The following KDM1A variants were observed in gnomAD, a reference collection of about 807,000 sequenced individuals.
KDM1A encodes lysine demethylase 1A.
A neutral mutation model predicts 109.4 loss-of-function variants in KDM1A; 49 were observed. The ratio of observed to expected loss-of-function variants is 0.45; its 90% CI spans 0.36 to 0.57. The LOEUF (loss-of-function observed/expected upper bound fraction) is 0.57. Ranked by LOEUF, KDM1A falls within the 20% of genes least tolerant of loss-of-function variation. KDM1A has a pLI of 0.00. For missense variants in KDM1A, 668 were observed against 1,116.6 expected (o/e 0.60, Z 5.73); for synonymous variants, 380 against 415.4 (o/e 0.91, Z 1.04).
At chr1:23,073,439 C>A (rs967605) in intron 15 of KDM1A, 36 bp downstream of exon 15, 1 of 1,080,754 alleles carries the variant, frequency 9.3e-7, no homozygotes, top group Non-Finnish European at 1.4e-6. Flanking sequence ...ATTGCACATG[C>A]CTTTGAGAGG....
chr1:23,050,698 A>C (rs1266615930), intron 4 of KDM1A, among the ~76,000 whole-genome samples, 178 bp downstream of exon 4: 1 of 152,236 alleles, frequency 6.6e-6, no homozygotes, highest in African/African-American at 2.4e-5. Context: ...AAAAATGTAT[A>C]TATAATTTTT....
At chr1:23,064,504 C>T (rs1301602703) in intron 9 of KDM1A, among the ~76,000 whole-genome samples, 6 of 152,186 alleles carry the variant, frequency 3.9e-5, no homozygotes, top group East Asian at 1.9e-4. Context: ...GATTACCTAG[C>T]GTACATTGCT....
At chr1:23,078,730 A>G (rs777104541) in intron 16 of KDM1A, among the ~76,000 whole-genome samples, 1 of 152,242 alleles carries the variant, frequency 6.6e-6, no homozygotes, top group Non-Finnish European at 1.5e-5. Flanking sequence ...TCACCAGTGT[A>G]TCAGGAGGGT....
chr1:23,036,444 G>GCCCCCCCCCCCCCC (rs5773033), intron 2 of KDM1A, among the ~76,000 whole-genome samples: 1 of 121,596 alleles, frequency 8.2e-6, no homozygotes, highest in Non-Finnish European at 1.7e-5. Flanking sequence ...TTCTTGCCAC[G>GCCCCCCCCCCCCCC]CCCCCCCCCT....
At chr1:23,041,946 C>T (rs913511371) in intron 2 of KDM1A, among the ~76,000 whole-genome samples, 2 of 152,010 alleles carry the variant, frequency 1.3e-5, no homozygotes, top group Admixed American at 6.5e-5. Flanking sequence ...CTATTGAGTA[C>T]GCAAGTCAGG....
At chr1:23,064,314 T>C (rs1237795180) in intron 9 of KDM1A, among the ~76,000 whole-genome samples, 1 of 152,242 alleles carries the variant, frequency 6.6e-6, no homozygotes. Context: ...GTAAATTTCT[T>C]CTTCTAGGTT....
At chr1:23,082,166 A>G (rs1406403770) in intron 19 of KDM1A, 54 bp from the exon 20 acceptor site, 5 of 1,584,670 alleles carry the variant, frequency 3.2e-6, no homozygotes, top group Non-Finnish European at 4.3e-6. Flanking sequence ...CCTTTCAAGG[A>G]TTGATTTGTG....
At chr1:23,049,227 A>C (rs1399262873) in intron 3 of KDM1A, among the ~76,000 whole-genome samples, 2 of 151,636 alleles carry the variant, frequency 1.3e-5, no homozygotes, top group Non-Finnish European at 2.9e-5. Flanking sequence ...TAATTACTTA[A>C]ATGGTATGGA....
intron 8 of KDM1A, 104 bp downstream of exon 8, chr1:23,057,669 A>G (rs1426015452): frequency 1.2e-6 from 1 of 826,736 alleles, no homozygotes. Flanking sequence ...TAGAATAGTC[A>G]TCTTCCGTTT....
intron 3 of KDM1A, among the ~76,000 whole-genome samples, chr1:23,046,323 A>G (rs1407354285): frequency 2.0e-5 from 3 of 152,094 alleles, no homozygotes; most frequent in African/African-American, 4.8e-5. Context: ...TCCTCCCCCT[A>G]TTCCTTATTC....
intron 2 of KDM1A, among the ~76,000 whole-genome samples, chr1:23,034,006 T>G (rs1405423129): frequency 1.3e-5 from 2 of 152,210 alleles, no homozygotes; most frequent in Admixed American, 6.5e-5. Flanking sequence ...AGAAAAAGTT[T>G]GGGTGTTTTT....
At chr1:23,057,774 A>T in intron 8 of KDM1A, 2 of 332,150 alleles carry the variant, frequency 6.0e-6, no homozygotes, top group Non-Finnish European at 5.6e-6. Context: ...TCATATGAAG[A>T]TAAGTAGATA....
Position 23,079,356 on chromosome 1 carries a change from C to T in KDM1A, c.2055+179C>T, listed in dbSNP as rs1643555108. On this transcript the variant is annotated intron_variant, in intron 17 of 20. Transcript: ENST00000400181. The surrounding 1 kb of genome is among the most constrained non-coding windows in gnomAD (Gnocchi z 5.6). ...AGTGCCTAAGTCTATCATCAAGTGT[C>T]TGTTCATATGGACTTAGTCTTATGG... Among the ~76,000 whole-genome samples, 1 of 152,238 alleles carries T rather than the reference C, an allele frequency of 6.6e-6. No homozygotes were observed. Among genetic ancestry groups the T allele is most frequent in the African/African-American group, 2.4e-5 (1 of 41,458 alleles).
At chr1:23,071,043 C>A (rs1486117006) in intron 12 of KDM1A, among the ~76,000 whole-genome samples, 182 bp from the exon 13 acceptor site, 1 of 152,126 alleles carries the variant, frequency 6.6e-6, no homozygotes, top group East Asian at 1.9e-4. Flanking sequence ...TATAAGATTT[C>A]TTTCCTATTT....
At chr1:23,050,610 G>T in intron 4 of KDM1A, 90 bp downstream of exon 4, 2 of 1,104,370 alleles carry the variant, frequency 1.8e-6, no homozygotes, top group South Asian at 2.4e-5. Context: ...AGAGAAGAAA[G>T]AATTCTAAAA....
In KDM1A at chr1:23,056,057, G is replaced by T. The variant is rs1249008380; in HGVS notation, c.990+19G>T. ...AGCCAGGGTAAGAATTTCATTTTGA[G>T]TTTAGAGGCTTGACCTATTGGAAAT... On this transcript the variant is annotated intron_variant, in intron 7 of 20. Coordinates refer to ENST00000400181, the MANE Select transcript of KDM1A (RefSeq NM_001009999.3). The T allele has an allele frequency of 6.6e-7, 1 of 1,520,560 alleles. No individual in the cohort carries two copies. The highest frequency in any genetic ancestry group is 1.7e-5 in the Admixed American group (1 of 59,694). The allele number at this position is 1,520,560 out of a possible 1,614,324, so 94.2% of individuals were successfully genotyped here.
At chr1:23,028,068 A>G (rs1162717079) in intron 1 of KDM1A, among the ~76,000 whole-genome samples, 2 of 152,158 alleles carry the variant, frequency 1.3e-5, no homozygotes. Context: ...TTCCAAGTGT[A>G]TTCCTTGTTA....
chr1:23,052,809 T>C (rs1012994160), intron 4 of KDM1A, among the ~76,000 whole-genome samples: 3 of 152,184 alleles, frequency 2.0e-5, no homozygotes, highest in Admixed American at 6.5e-5. Flanking sequence ...AATTGGCCAT[T>C]ATGTGGACTA....
chr1:23,019,988 C>T (rs1278538040), intron 1 of KDM1A, 41 bp downstream of exon 1: 6 of 1,430,386 alleles, frequency 4.2e-6, no homozygotes, highest in South Asian at 2.9e-5. Context: ...CGCCTGGTGC[C>T]GAGCTTCCCC....
Sources: gnomAD v4.1 joint callset for allele counts (sites outside exome capture counted in the v4.1 genomes callset) on GRCh38, gnomAD v4.1.1 for gene constraint, Gnocchi (gnomAD v3.1) non-coding constraint, MANE v1.5 for transcripts, NCBI Gene and HGNC (gene_info 2026-07-23, HGNC 2026-07-21) for gene names.